GPM6B: variants seen among roughly 807,000 people sequenced by gnomAD.
GPM6B encodes the protein neuronal membrane glycoprotein M6-b.
Under a neutral mutation model 27.2 loss-of-function variants are expected in GPM6B, and 4 were observed. That is an observed-to-expected ratio of 0.15 (90% CI 0.07 to 0.34). The LOEUF (loss-of-function observed/expected upper bound fraction) is 0.34. GPM6B is among the 10% of genes least tolerant of loss of function. The pLI is 1.00. For missense variants in GPM6B, 183 were observed against 261.9 expected (o/e 0.70, Z 2.08); for synonymous variants, 124 against 103.1 (o/e 1.20, Z -1.23).
At chrX:13,785,296 A>C (rs1323448458) in intron 3 of GPM6B, among the ~76,000 whole-genome samples, 1 of 111,280 alleles carries the variant, frequency 9.0e-6, no homozygotes, top group Non-Finnish European at 1.9e-5. Flanking sequence ...TTTTTTTTAA[A>C]CAAAGTATCA....
intron 1 of GPM6B, among the ~76,000 whole-genome samples, chrX:13,901,144 A>C (rs2050278521): frequency 8.9e-6 from 1 of 112,118 alleles, no homozygotes; most frequent in African/African-American, 3.2e-5. Flanking sequence ...ATCATGAAGA[A>C]AGCATAATCC....
At position 13,871,079 on chromosome X, in the gene GPM6B, AAAAACAAAAC is replaced by A. The variant is rs1555924628; in HGVS notation, c.-198+67238_-198+67247del. On this transcript the variant is annotated intron_variant, in intron 1 of 6. Coordinates refer to the GPM6B transcript ENST00000398361. ...GAGACCCTATCTCTAAAACAAAAAC[AAAAACAAAAC>A]AAAACAAAACAAAACAAAACAAAAC... Among the ~76,000 whole-genome samples the A allele has an allele frequency of 1.3e-3, 108 of 85,431 alleles. 1 individual carries two copies. The highest frequency in any genetic ancestry group is 3.7e-3 in the African/African-American group (92 of 24,574). 74.2% of individuals were successfully genotyped at this position (85,431 alleles called of 115,157 possible).
At chrX:13,815,457 AT>A (rs1402815620) in intron 1 of GPM6B, among the ~76,000 whole-genome samples, 61 of 105,277 alleles carry the variant, frequency 5.8e-4, no homozygotes, top group Admixed American at 1.2e-3. Flanking sequence ...ATTGATGAAG[AT>A]TTTTTTTTTT....
chrX:13,855,357 C>T (rs1001964011), intron 1 of GPM6B, among the ~76,000 whole-genome samples: 2 of 112,007 alleles, frequency 1.8e-5, no homozygotes, highest in African/African-American at 3.2e-5. Flanking sequence ...TGCTCAGTTT[C>T]GACTTTTATA....
chrX:13,930,623 A>C (rs1921460023), intron 1 of GPM6B, among the ~76,000 whole-genome samples: 1 of 112,002 alleles, frequency 8.9e-6, no homozygotes, highest in African/African-American at 3.2e-5. Flanking sequence ...CAAAAAAAAA[A>C]AAAGAAACGA....
chrX:13,837,936 TA>T (rs1056331473), intron 1 of GPM6B, among the ~76,000 whole-genome samples: 6 of 109,582 alleles, frequency 5.5e-5, no homozygotes, highest in Non-Finnish European at 9.5e-5. Flanking sequence ...ATTCTTTGAT[TA>T]AAAAAAAATT....
At chrX:13,792,265 G>A (rs753500576) in intron 2 of GPM6B, among the ~76,000 whole-genome samples, 1 of 111,463 alleles carries the variant, frequency 9.0e-6, no homozygotes, top group South Asian at 3.8e-4. Context: ...TAGAGACCAG[G>A]GATGCTGCTC....
At chrX:13,878,147 T>C (rs2050057996) in intron 1 of GPM6B, among the ~76,000 whole-genome samples, 1 of 76,554 alleles carries the variant, frequency 1.3e-5, no homozygotes, top group African/African-American at 6.3e-5. Context: ...AATTATACCT[T>C]AATAAAGCTG....
chrX:13,870,301 T>C (rs906535001), intron 1 of GPM6B, among the ~76,000 whole-genome samples: 1 of 112,710 alleles, frequency 8.9e-6, no homozygotes, highest in African/African-American at 3.2e-5. Flanking sequence ...ATGTTTACCA[T>C]GTTCCAGATA....
chrX:13,840,926 G>A (rs1427543870), intron 1 of GPM6B, among the ~76,000 whole-genome samples: 1 of 111,982 alleles, frequency 8.9e-6, no homozygotes. Flanking sequence ...GATGAATTCA[G>A]CTTAGAATAT....
chrX:13,885,384 T>A (rs1350859016), intron 1 of GPM6B, among the ~76,000 whole-genome samples: 6 of 112,348 alleles, frequency 5.3e-5, no homozygotes, highest in African/African-American at 1.9e-4. Context: ...TTAAGCTCAA[T>A]CTCTCTCTTT....
chrX:13,839,678 T>C (rs1041900986), intron 1 of GPM6B, among the ~76,000 whole-genome samples: 1 of 111,428 alleles, frequency 9.0e-6, no homozygotes, highest in African/African-American at 3.3e-5. Flanking sequence ...GGATCATGTC[T>C]CAATTTGGGC....
rs1356727903 is a variant in GPM6B at position 13,920,422 on chromosome X, G to T, written c.-198+17905C>A. ...ACTACCTTCTTCTATTAGAACCACA[G>T]GAAAATGCTATATTTGTATACCACA... On this transcript the variant is annotated intron_variant, in intron 1 of 6. Transcript: ENST00000398361. Among the ~76,000 whole-genome samples the T allele has an allele frequency of 2.7e-5, 3 of 110,636 alleles. No individual in the cohort carries two copies. The South Asian group carries it at 1.1e-3, about 42-fold the overall frequency.
At chrX:13,861,109 C>A (rs957132148) in intron 1 of GPM6B, among the ~76,000 whole-genome samples, 1 of 104,693 alleles carries the variant, frequency 9.6e-6, no homozygotes, top group African/African-American at 3.6e-5. Flanking sequence ...TACATATACA[C>A]ACATATATAT....
intron 1 of GPM6B, among the ~76,000 whole-genome samples, chrX:13,824,349 G>A (rs1297982815): frequency 8.9e-6 from 1 of 112,318 alleles, no homozygotes; most frequent in Non-Finnish European, 1.9e-5. Context: ...GCCTAGCTGT[G>A]CACTGGAATC....
At chrX:13,792,211 C>T (rs765985942) in intron 2 of GPM6B, among the ~76,000 whole-genome samples, 1 of 111,287 alleles carries the variant, frequency 9.0e-6, no homozygotes, top group African/African-American at 3.3e-5. Context: ...AGATATTTTT[C>T]GTTGCCAAAG....
chrX:13,863,275 A>G (rs952614843), intron 1 of GPM6B, among the ~76,000 whole-genome samples: 2 of 111,917 alleles, frequency 1.8e-5, no homozygotes, highest in African/African-American at 6.5e-5. Flanking sequence ...AACACATTTC[A>G]TTTCTGGATA....
At chrX:13,849,398 G>A (rs1179381892) in intron 1 of GPM6B, among the ~76,000 whole-genome samples, 2 of 112,535 alleles carry the variant, frequency 1.8e-5, no homozygotes, top group Non-Finnish European at 3.8e-5. Flanking sequence ...ATCACACACT[G>A]CCTTACATTA....
chrX:13,895,045 T>G (rs766483206), intron 1 of GPM6B, among the ~76,000 whole-genome samples: 1 of 112,006 alleles, frequency 8.9e-6, no homozygotes, highest in African/African-American at 3.2e-5. Context: ...CAAGTGAATA[T>G]TTTCTTTTGA....
Sources: gnomAD v4.1 joint callset for allele counts (sites outside exome capture counted in the v4.1 genomes callset) on GRCh38, gnomAD v4.1.1 for gene constraint, MANE v1.5 for transcripts, NCBI Gene and HGNC (gene_info 2026-07-23, HGNC 2026-07-21) for gene names.